Variants in ZNF362 observed in about 807,000 individuals in gnomAD.
The protein encoded by ZNF362 is zinc finger protein 362.
In ZNF362, 11 loss-of-function variants were observed where a neutral mutation model predicts 42.9. The observed-to-expected ratio is 0.26, with a 90% confidence interval of 0.16 to 0.42. ZNF362 has a LOEUF of 0.42. Ranked by LOEUF, ZNF362 falls within the 20% of genes least tolerant of loss-of-function variation. The pLI is 1.00. For synonymous variants in ZNF362, 255 were observed against 257.3 expected (o/e 0.99, Z 0.09); for missense variants, 362 against 576.2 (o/e 0.63, Z 3.81).
chr1:33,166,851 T>C, the ZNF362 span, among the ~76,000 whole-genome samples: 115 of 152,348 alleles, frequency 7.5e-4, no homozygotes, highest in African/African-American at 2.6e-3. Flanking sequence ...TTGTTAGTGA[T>C]CCTGGCCTTG....
chr1:33,171,939 G>A, the ZNF362 span, among the ~76,000 whole-genome samples: 50 of 151,916 alleles, frequency 3.3e-4, no homozygotes, highest in Admixed American at 9.8e-4. Flanking sequence ...CCGACACCAC[G>A]CCTGGCTAAT....
chr1:33,276,088 C>G lies in ZNF362; in HGVS notation c.39-12C>G, dbSNP rs764107477. The G allele has an allele frequency of 3.7e-6, 6 of 1,613,880 alleles. No individual in the cohort carries two copies. Among genetic ancestry groups the G allele is most frequent in the South Asian group, 1.1e-5 (1 of 91,084 alleles). ...GGCTCTCTTCCCGGTGACAGTCGCTCTCTTCCCGCAGGATGGCCGAGCCTC... is the reference window on the plus strand; with the variant it reads ...GGCTCTCTTCCCGGTGACAGTCGCTGTCTTCCCGCAGGATGGCCGAGCCTC... On this transcript the variant is annotated splice_polypyrimidine_tract_variant and intron_variant, in intron 2 of 8. Coordinates refer to ENST00000539719, the MANE Select transcript of ZNF362 (RefSeq NM_152493.3).
At position 33,281,824 on chromosome 1, in the gene ZNF362, C is replaced by T; in HGVS notation, c.908+13C>T. 6.2e-7 allele frequency: 1 copy of T among 1,612,172 alleles called. No individual in the cohort carries two copies. The highest frequency in any genetic ancestry group is 1.7e-4 in the Middle Eastern group (1 of 6,058). On this transcript the variant is annotated intron_variant, in intron 6 of 8. Coordinates refer to ENST00000539719, the MANE Select transcript of ZNF362 (RefSeq NM_152493.3). This position sits in a 1 kb window ranked among gnomAD's most constrained non-coding sequence, Gnocchi z 4.8. ...AGCAGCACACCAGGTGAGTGGCCTG[C>T]CTGCTGCCCTGCTGCAGCCCGACTC...
the ZNF362 span, among the ~76,000 whole-genome samples, chr1:33,242,489 C>T: frequency 3.5e-4 from 54 of 152,168 alleles, 2 homozygotes; most frequent in African/African-American, 1.2e-3. Context: ...CATAAATATA[C>T]GAAATTATAA....
intron 3 of ZNF362, 63 bp from the exon 4 acceptor site, chr1:33,276,265 GGGGCTCGCGGGTGGACCAGC>G: frequency 1.3e-6 from 2 of 1,567,262 alleles, no homozygotes; most frequent in Non-Finnish European, 1.7e-6. Flanking sequence ...TGAGGAGCGA[GGGGCTCGCGGGTGGACCAGC>G]GGGCCTGGGC....
chr1:33,210,930 A>C, the ZNF362 span, among the ~76,000 whole-genome samples: 6 of 114,500 alleles, frequency 5.2e-5, no homozygotes, highest in Admixed American at 6.3e-4. Context: ...TTTACATTTA[A>C]GGTTAATTTT....
At position 33,281,563 on chromosome 1, in the gene ZNF362, G is replaced by A. The variant is rs779437236; in HGVS notation, c.684-24G>A. 11 of 1,612,604 alleles carry A rather than the reference G, an allele frequency of 6.8e-6. 1 individual carries two copies. In the Middle Eastern group the frequency reaches 8.3e-4, roughly 121 times the overall value. On this transcript the variant is annotated intron_variant, in intron 5 of 8. Transcript: ENST00000539719. The surrounding 1 kb of genome is among the most constrained non-coding windows in gnomAD (Gnocchi z 4.8). ...TGGACAGTCTGGGGGATCTTCCCAC[G>A]TGAACCTGTCTCTTGCTCCGCAGGT... is the stretch of plus-strand genomic sequence containing the variant.
chr1:33,272,227 G>A (rs991379638), intron 2 of ZNF362, among the ~76,000 whole-genome samples: 2 of 152,214 alleles, frequency 1.3e-5, no homozygotes, highest in African/African-American at 2.4e-5. Flanking sequence ...TGACCTCAGG[G>A]AGGCCACGGT....
chr1:33,283,371 T>C (rs1420334033), intron 6 of ZNF362, among the ~76,000 whole-genome samples: 1 of 152,232 alleles, frequency 6.6e-6, no homozygotes, highest in Non-Finnish European at 1.5e-5. Context: ...ACCTTGTCTA[T>C]TTCTCTGACT....
rs763991180 is a variant in ZNF362, at chr1:33,280,182, G to A, written c.408G>A (p.Ala136=). The A allele has an allele frequency of 5.0e-6, 8 of 1,612,222 alleles. No homozygotes were observed. The highest frequency in any genetic ancestry group is 1.1e-5 in the South Asian group (1 of 90,932). The change falls in exon 5 of 9, where the codon GCG becomes GCA. Residue 136 remains alanine (A), a synonymous_variant. Coordinates refer to ENST00000539719, the MANE Select transcript of ZNF362 (RefSeq NM_152493.3). The surrounding 1 kb of genome is among the most constrained non-coding windows in gnomAD (Gnocchi z 5.6). ...GCACTTCTGAGTCAAGCGCGGGCGCGGGCACGGGCACGGGTACCAGCACCC... is the reference window on the plus strand; with the variant it reads ...GCACTTCTGAGTCAAGCGCGGGCGCAGGCACGGGCACGGGTACCAGCACCC... ...SVSTSESSAG[A]GTGTGTSTPS...
the ZNF362 span, among the ~76,000 whole-genome samples, chr1:33,203,906 C>T: frequency 6.6e-6 from 1 of 152,184 alleles, no homozygotes; most frequent in South Asian, 2.1e-4. Context: ...CAAACATTTT[C>T]TCCCATTTTG....
At chr1:33,152,746 G>A in the ZNF362 span, among the ~76,000 whole-genome samples, 3 of 152,212 alleles carry the variant, frequency 2.0e-5, no homozygotes, top group Admixed American at 2.0e-4. Context: ...TTTTACAGAT[G>A]AGGAAACTGG....
the ZNF362 span, among the ~76,000 whole-genome samples, chr1:33,188,220 G>C: frequency 5.3e-5 from 8 of 151,582 alleles, no homozygotes; most frequent in South Asian, 1.7e-3. Flanking sequence ...AACAGAATGA[G>C]ACTTCATCTC....
intron 1 of ZNF362, among the ~76,000 whole-genome samples, chr1:33,267,068 T>C: frequency 6.6e-6 from 1 of 152,164 alleles, no homozygotes; most frequent in East Asian, 1.9e-4. Flanking sequence ...TGGGTGGGGC[T>C]GGAGGCTTTT....
chr1:33,270,937 T>A (rs1402805819), intron 2 of ZNF362, among the ~76,000 whole-genome samples: 2 of 152,158 alleles, frequency 1.3e-5, no homozygotes, highest in Non-Finnish European at 2.9e-5. Flanking sequence ...GTGGGCCTCC[T>A]GGGCTCCACT....
At chr1:33,182,331 T>C in the ZNF362 span, among the ~76,000 whole-genome samples, 1 of 152,232 alleles carries the variant, frequency 6.6e-6, no homozygotes, top group African/African-American at 2.4e-5. Flanking sequence ...TTCTGGATCA[T>C]CGATTTGAAG....
chr1:33,127,999 CCA>C, the ZNF362 span, among the ~76,000 whole-genome samples: 1 of 152,064 alleles, frequency 6.6e-6, no homozygotes, highest in Non-Finnish European at 1.5e-5. Flanking sequence ...TTACTCTCTG[CCA>C]CAGTTTCTGA....
the ZNF362 span, among the ~76,000 whole-genome samples, chr1:33,174,401 C>T: frequency 1.3e-5 from 2 of 152,132 alleles, no homozygotes; most frequent in African/African-American, 2.4e-5. Flanking sequence ...CCACACTGGT[C>T]TCGAACTTCT....
chr1:33,264,022 G>C (rs1034549871), intron 1 of ZNF362, among the ~76,000 whole-genome samples: 17 of 152,154 alleles, frequency 1.1e-4, no homozygotes, highest in African/African-American at 3.1e-4. Flanking sequence ...GGCCTGCTCT[G>C]TCTGCTGGCC....
Sources: allele counts gnomAD v4.1 joint callset (sites outside exome capture counted in the v4.1 genomes callset), GRCh38; gene constraint gnomAD v4.1.1; non-coding constraint Gnocchi (gnomAD v3.1); transcripts MANE v1.5; gene names NCBI Gene and HGNC (gene_info 2026-07-23, HGNC 2026-07-21).